TSPAN12: variants seen among roughly 807,000 people sequenced by gnomAD.
TSPAN12 encodes tetraspanin 12, also known as tetraspanin-12.
A neutral mutation model predicts 39.2 loss-of-function variants in TSPAN12; 19 were observed. The observed-to-expected ratio is 0.49, with a 90% confidence interval of 0.34 to 0.71. The LOEUF (loss-of-function observed/expected upper bound fraction) is 0.71. TSPAN12 is among the 30% of genes least tolerant of loss of function. The probability of loss-of-function intolerance (pLI) is 0.01; values close to 1 mark genes in which losing one functional copy is unlikely to be tolerated. For missense variants in TSPAN12, 314 were observed against 359.9 expected (o/e 0.87, Z 1.03); for synonymous variants, 119 against 124.8 (o/e 0.95, Z 0.31).
intron 5 of TSPAN12, among the ~76,000 whole-genome samples, chr7:120,811,165 C>A (rs1325851633): frequency 1.3e-5 from 2 of 152,142 alleles, no homozygotes; most frequent in East Asian, 3.9e-4. Flanking sequence ...ACTAGCACAA[C>A]CACTATGGAA....
rs574142030 is a variant in TSPAN12 at position 120,828,101 on chromosome 7, C to T, written c.285+10676G>A. Among the ~76,000 whole-genome samples the T allele has an allele frequency of 3.9e-5, 6 of 152,228 alleles. No individual in the cohort carries two copies. The South Asian group carries it at 6.2e-4, about 16-fold the overall frequency. Reference sequence around the variant, plus strand: ...ACTTCCCCACATGAGTACCTTTATTCGCTCATCAATAAAGGCATATTGTCA... The same window carrying T: ...ACTTCCCCACATGAGTACCTTTATTTGCTCATCAATAAAGGCATATTGTCA... On this transcript the variant is annotated intron_variant, in intron 4 of 7. Coordinates refer to ENST00000222747, the MANE Select transcript of TSPAN12 (RefSeq NM_012338.4).
chr7:120,803,803 T>G (rs543751460), intron 7 of TSPAN12, among the ~76,000 whole-genome samples: 50 of 152,304 alleles, frequency 3.3e-4, no homozygotes, highest in African/African-American at 1.2e-3. Flanking sequence ...TCAAAATTCA[T>G]GGAGCAAGCA....
chr7:120,796,938 G>C (rs534568485), intron 7 of TSPAN12, among the ~76,000 whole-genome samples: 1 of 152,092 alleles, frequency 6.6e-6, no homozygotes, highest in East Asian at 1.9e-4. Context: ...GGCGGATCAC[G>C]AGGTCAGGAG....
intron 7 of TSPAN12, among the ~76,000 whole-genome samples, chr7:120,801,903 G>A (rs1793779046): frequency 6.6e-6 from 1 of 152,094 alleles, no homozygotes. Flanking sequence ...GAAAAAAAAT[G>A]GATATAAAAT....
At chr7:120,798,851 C>T (rs116092982) in intron 7 of TSPAN12, among the ~76,000 whole-genome samples, 72 of 151,936 alleles carry the variant, frequency 4.7e-4, no homozygotes, top group African/African-American at 1.7e-3. Context: ...ATATTTTCTG[C>T]ACGTGGCTTA....
intron 2 of TSPAN12, among the ~76,000 whole-genome samples, chr7:120,853,919 T>C (rs1410843469): frequency 6.9e-6 from 1 of 145,772 alleles, no homozygotes; most frequent in Non-Finnish European, 1.5e-5. Flanking sequence ...TTACACAGAA[T>C]ATAGAAAAGT....
chr7:120,838,697 A>C lies in TSPAN12; in HGVS notation c.285+80T>G, dbSNP rs140557113. ...GTTGTTACTGCTATCACTGCTCCCT[A>C]ATCTTGTGAACTGATTAAAAAATAA... On this transcript the variant is annotated intron_variant, in intron 4 of 7. Coordinates refer to ENST00000222747, the MANE Select transcript of TSPAN12 (RefSeq NM_012338.4). 2.7e-6 allele frequency: 4 copies of C among 1,467,524 alleles called. No individual in the cohort carries two copies. The East Asian group carries it at 9.5e-5, about 35-fold the overall frequency. 90.9% of individuals were successfully genotyped at this position (1,467,524 alleles called of 1,614,324 possible).
intron 7 of TSPAN12, among the ~76,000 whole-genome samples, chr7:120,796,660 T>C (rs1006742639): frequency 1.3e-5 from 2 of 152,180 alleles, no homozygotes; most frequent in Non-Finnish European, 2.9e-5. Context: ...AATTTTAGTA[T>C]CTCTGCCCTT....
At chr7:120,802,047 T>A (rs905855153) in intron 7 of TSPAN12, among the ~76,000 whole-genome samples, 9 of 152,212 alleles carry the variant, frequency 5.9e-5, no homozygotes, top group African/African-American at 2.2e-4. Context: ...ATGTCTTTTA[T>A]TTATGCTTCT....
chr7:120,794,491 T>A (rs1237650067), intron 7 of TSPAN12, among the ~76,000 whole-genome samples: 1 of 152,180 alleles, frequency 6.6e-6, no homozygotes, highest in African/African-American at 2.4e-5. Flanking sequence ...CATCTCTCTC[T>A]CCGGTTCCTG....
intron 7 of TSPAN12, among the ~76,000 whole-genome samples, chr7:120,791,892 C>G (rs1329584717): frequency 1.3e-4 from 20 of 151,912 alleles, no homozygotes; most frequent in Non-Finnish European, 8.8e-5. Flanking sequence ...AAAAACATGG[C>G]AAAAAAGCAC....
chr7:120,801,116 A>G (rs1793761643), intron 7 of TSPAN12, among the ~76,000 whole-genome samples: 1 of 152,050 alleles, frequency 6.6e-6, no homozygotes, highest in African/African-American at 2.4e-5. Context: ...GTGTCATTAA[A>G]TGATTTTTTT....
At chr7:120,854,637 A>G (rs1267859591) in intron 2 of TSPAN12, among the ~76,000 whole-genome samples, 1 of 152,160 alleles carries the variant, frequency 6.6e-6, no homozygotes, top group African/African-American at 2.4e-5. Context: ...TGTTGTTATC[A>G]CATACTTTTT....
At chr7:120,839,965 G>T in intron 3 of TSPAN12, 62 bp downstream of exon 3, 1 of 1,391,120 alleles carries the variant, frequency 7.2e-7, no homozygotes, top group Non-Finnish European at 1.0e-6. Flanking sequence ...CATATAAATA[G>T]CTGAGGGCAA....
rs908426438 is a variant in TSPAN12 at position 120,815,908 on chromosome 7, A to G, written c.286-105T>C. Reference sequence around the variant, plus strand: ...ACCTAGTGACCAAGAAAACAGAGGCAAGTTTTCATGAAGCCCCTCAGAAGC... The same window carrying G: ...ACCTAGTGACCAAGAAAACAGAGGCGAGTTTTCATGAAGCCCCTCAGAAGC... On this transcript the variant is annotated intron_variant, in intron 4 of 7. Transcript: ENST00000222747. The G allele has an allele frequency of 1.7e-5, 17 of 978,058 alleles. No homozygotes were observed. The African/African-American group carries it at 2.1e-4, about 12-fold the overall frequency. 60.6% of individuals were successfully genotyped at this position (978,058 alleles called of 1,614,324 possible).
In TSPAN12 at chr7:120,810,576, G is replaced by A. The variant is rs774526602; in HGVS notation, c.361-6C>T. The A allele has an allele frequency of 1.3e-6, 2 of 1,578,902 alleles. No homozygotes were observed. The highest frequency in any genetic ancestry group is 1.7e-5 in the Admixed American group (1 of 59,852). On this transcript the variant is annotated splice_region_variant and splice_polypyrimidine_tract_variant and intron_variant, in intron 5 of 7. Transcript: ENST00000222747. ...TCTGACCATTGTACTGGAACCTGGT[G>A]ATAAAAAGCAAAATATCAACAGCTG... is the stretch of plus-strand genomic sequence containing the variant.
intron 4 of TSPAN12, among the ~76,000 whole-genome samples, chr7:120,818,318 T>G (rs887914523): frequency 4.6e-5 from 7 of 152,106 alleles, no homozygotes; most frequent in Non-Finnish European, 7.4e-5. Flanking sequence ...CGTGATCTAA[T>G]GTACATTATA....
At chr7:120,803,866 G>A (rs1011189079) in intron 7 of TSPAN12, among the ~76,000 whole-genome samples, 1 of 152,094 alleles carries the variant, frequency 6.6e-6, no homozygotes, top group Non-Finnish European at 1.5e-5. Flanking sequence ...TATTATTAGT[G>A]AAAACAATCT....
intron 4 of TSPAN12, among the ~76,000 whole-genome samples, chr7:120,822,753 T>C (rs1278936484): frequency 6.6e-6 from 1 of 152,124 alleles, no homozygotes; most frequent in Non-Finnish European, 1.5e-5. Flanking sequence ...GCAGGGTGAC[T>C]ACCCTACCTT....
Sources: gnomAD v4.1 joint callset for allele counts (sites outside exome capture counted in the v4.1 genomes callset) on GRCh38, gnomAD v4.1.1 for gene constraint, MANE v1.5 for transcripts, NCBI Gene and HGNC (gene_info 2026-07-23, HGNC 2026-07-21) for gene names.